Variants in HLA-DRB5 observed in about 807,000 individuals in gnomAD.
HLA-DRB5 encodes the protein major histocompatibility complex, class II, DR beta 5.
In HLA-DRB5, 11 loss-of-function variants were observed where a neutral mutation model predicts 22.4. That is an observed-to-expected ratio of 0.49 (90% CI 0.31 to 0.81). HLA-DRB5 has a LOEUF of 0.81. Ranked by LOEUF, HLA-DRB5 falls within the 40% of genes least tolerant of loss-of-function variation. HLA-DRB5 has a pLI of 0.05. For synonymous variants in HLA-DRB5, 57 were observed against 106.0 expected (o/e 0.54, Z 2.84); for missense variants, 106 against 274.4 (o/e 0.39, Z 4.34).
intron 2 of HLA-DRB5, among the ~76,000 whole-genome samples, chr6:32,520,267 G>A (rs186176074): frequency 0.054 from 1,899 of 35,088 alleles, 411 homozygotes; most frequent in East Asian, 0.26. Context: ...AAGTAATGTG[G>A]ATAGATAAAG....
At chr6:32,522,476 G>C (rs144192785) in intron 1 of HLA-DRB5, among the ~76,000 whole-genome samples, 408 of 27,254 alleles carry the variant, frequency 0.015, 98 homozygotes, top group East Asian at 0.086. Context: ...CCCAGCACCG[G>C]AGCCCGCGCC....
intron 1 of HLA-DRB5, among the ~76,000 whole-genome samples, chr6:32,524,595 G>GCA (rs1198698326): frequency 0.52 from 40,216 of 77,398 alleles, 11,548 homozygotes; most frequent in Middle Eastern, 0.66. Context: ...ACTTTGTGTA[G>GCA]AGACCTTCAC....
At chr6:32,521,344 C>T (rs1369419953) in intron 2 of HLA-DRB5, among the ~76,000 whole-genome samples, 550 of 117,178 alleles carry the variant, frequency 4.7e-3, no homozygotes, top group Middle Eastern at 8.4e-3. Flanking sequence ...TTCAGAAGTG[C>T]CTCAGAGGTC....
At chr6:32,529,157 C>T (rs1248818824) in intron 1 of HLA-DRB5, among the ~76,000 whole-genome samples, 532 of 138,252 alleles carry the variant, frequency 3.8e-3, no homozygotes, top group South Asian at 0.015. Flanking sequence ...AATGAGTTCC[C>T]AGGACTTGAT....
Position 32,526,375 on chromosome 6 carries a change from TCC to T in HLA-DRB5, c.100+3748_100+3749del, listed in dbSNP as rs368273981. Among the ~76,000 whole-genome samples, 98 of 24,518 alleles carry T rather than the reference TCC, an allele frequency of 4.0e-3. 42 individuals are homozygous for T. The highest frequency in any genetic ancestry group is 6.7e-3 in the Admixed American group (11 of 1,650). The allele number at this position is 24,518 out of a possible 152,430, so 16.1% of individuals were successfully genotyped here. On this transcript the variant is annotated intron_variant, in intron 1 of 5. Transcript: ENST00000374975. ...CCAACATCCCTGGGCTCTTTCTTAG[TCC>T]CCTTTGCTGGCCTGTGCCCTTTTCT...
At chr6:32,520,641 A>G (rs112031986) in intron 2 of HLA-DRB5, among the ~76,000 whole-genome samples, 22,282 of 95,074 alleles carry the variant, frequency 0.23, 1,262 homozygotes, top group Admixed American at 0.3. Context: ...TATGCCTAGG[A>G]AAATCCCTAA....
chr6:32,521,743 A>G (rs138535752), intron 2 of HLA-DRB5, among the ~76,000 whole-genome samples, 162 bp downstream of exon 2: 857 of 20,848 alleles, frequency 0.041, 391 homozygotes, highest in Middle Eastern at 0.083. Flanking sequence ...GTCCTTGCTC[A>G]AGATTGAGAG....
intron 4 of HLA-DRB5, 111 bp downstream of exon 4, chr6:32,518,445 A>G (rs1243586464): frequency 2.9e-6 from 1 of 346,068 alleles, no homozygotes. Flanking sequence ...TCATTTGTGG[A>G]AAGAAAGGCT....
chr6:32,525,837 C>T (rs201962156), intron 1 of HLA-DRB5, among the ~76,000 whole-genome samples: 35,690 of 74,302 alleles, frequency 0.48, 4,969 homozygotes, highest in Middle Eastern at 0.6. Flanking sequence ...TCATTTTATT[C>T]ATCACTCCAT....
intron 3 of HLA-DRB5, among the ~76,000 whole-genome samples, chr6:32,518,976 T>C (rs1768454106): frequency 1.1e-5 from 1 of 92,288 alleles, no homozygotes; most frequent in Non-Finnish European, 2.3e-5. Flanking sequence ...AAGGCAGAGC[T>C]GATATTGGAC....
intron 3 of HLA-DRB5, among the ~76,000 whole-genome samples, chr6:32,518,948 G>T: frequency 1.1e-5 from 1 of 87,604 alleles, no homozygotes; most frequent in Non-Finnish European, 2.4e-5. Flanking sequence ...AGTTTGTCTA[G>T]AGTGACAGAG....
intron 1 of HLA-DRB5, among the ~76,000 whole-genome samples, chr6:32,523,175 T>C (rs1231627287): frequency 2.0e-5 from 1 of 51,224 alleles, no homozygotes; most frequent in Non-Finnish European, 3.9e-5. Flanking sequence ...TCCACAAACC[T>C]TCCTTTGCAT....
intron 1 of HLA-DRB5, among the ~76,000 whole-genome samples, chr6:32,525,818 A>G (rs113343973): frequency 9.6e-6 from 1 of 103,796 alleles, no homozygotes; most frequent in Admixed American, 1.0e-4. Context: ...ATACTGATGG[A>G]GACCAGATTC....
At chr6:32,524,598 A>AAGTGTGCAC (rs1438716981) in intron 1 of HLA-DRB5, among the ~76,000 whole-genome samples, 9 of 85,760 alleles carry the variant, frequency 1.0e-4, no homozygotes, top group South Asian at 7.1e-4. Flanking sequence ...TTGTGTAGAG[A>AAGTGTGCAC]CCTTCACAAA....
chr6:32,523,966 A>G lies in HLA-DRB5; in HGVS notation c.101-1792T>C, dbSNP rs1481354592. ...TGTCCCTGGCTTCTACTCATTAAAT[A>G]TCAGAAGAAACCCCTGTGGTGACAA... On this transcript the variant is annotated intron_variant, in intron 1 of 5. Transcript: ENST00000374975. 1.8e-5 allele frequency among the ~76,000 whole-genome samples: 2 copies of G among 110,542 alleles called. 1 individual carries two copies. The highest frequency in any genetic ancestry group is 3.8e-5 in the Non-Finnish European group (2 of 51,962). 72.5% of individuals were successfully genotyped at this position (110,542 alleles called of 152,430 possible).
intron 1 of HLA-DRB5, among the ~76,000 whole-genome samples, chr6:32,524,159 A>ATT (rs200002223): frequency 0.36 from 27,691 of 76,328 alleles, 3,850 homozygotes; most frequent in Middle Eastern, 0.45. Flanking sequence ...ATTGAAAAAT[A>ATT]TCTGTGAATA....
intron 1 of HLA-DRB5, among the ~76,000 whole-genome samples, chr6:32,525,874 A>G (rs796670880): frequency 0.31 from 21,380 of 68,812 alleles, 3,820 homozygotes; most frequent in Admixed American, 0.38. Context: ...AGTAACTGGT[A>G]TATTCTAAGT....
intron 2 of HLA-DRB5, 57 bp from the exon 3 acceptor site, chr6:32,519,708 T>TGC: frequency 1.9e-6 from 1 of 525,264 alleles, no homozygotes. Context: ...AATCTCCCTT[T>TGC]TTGGCTGTTT....
intron 2 of HLA-DRB5, among the ~76,000 whole-genome samples, chr6:32,520,508 C>G (rs201931045): frequency 6.0e-4 from 29 of 48,290 alleles, no homozygotes; most frequent in South Asian, 2.1e-3. Context: ...TTTAGCTGAT[C>G]AATGCATCTC....
Sources: allele counts gnomAD v4.1 joint callset (sites outside exome capture counted in the v4.1 genomes callset), GRCh38; gene constraint gnomAD v4.1.1; transcripts MANE v1.5; gene names NCBI Gene and HGNC (gene_info 2026-07-23, HGNC 2026-07-21).